ACYP2: variants seen among roughly 807,000 people sequenced by gnomAD.
ACYP2 encodes acylphosphatase 2.
A neutral mutation model predicts 11.2 loss-of-function variants in ACYP2; 12 were observed. The ratio of observed to expected loss-of-function variants is 1.08; its 90% CI spans 0.69 to 1.74. The LOEUF (loss-of-function observed/expected upper bound fraction) is 1.74. Ranked by LOEUF, ACYP2 falls within the 40% of genes most tolerant of loss-of-function variation. ACYP2 has a pLI of 0.00. For synonymous variants in ACYP2, 43 were observed against 32.2 expected (o/e 1.33, Z -1.13); for missense variants, 134 against 101.9 (o/e 1.31, Z -1.35).
At chr2:54,017,825 G>A (rs1486107847) in intron 2 of ACYP2, among the ~76,000 whole-genome samples, 1 of 152,098 alleles carries the variant, frequency 6.6e-6, no homozygotes, top group Admixed American at 6.6e-5. Context: ...TGAGTGGAAG[G>A]AGTGGCAGTT....
At chr2:54,044,156 T>C (rs1675389413) in intron 2 of ACYP2, among the ~76,000 whole-genome samples, 1 of 152,178 alleles carries the variant, frequency 6.6e-6, no homozygotes, top group Non-Finnish European at 1.5e-5. Context: ...AAATGTAAAC[T>C]GCACGTCACA....
chr2:54,289,699 A>G (rs1381522746), intron 6 of ACYP2, among the ~76,000 whole-genome samples: 2 of 151,994 alleles, frequency 1.3e-5, no homozygotes, highest in Non-Finnish European at 2.9e-5. Flanking sequence ...CTAAAACATT[A>G]CTATGGCATT....
chr2:54,127,701 T>C (rs772914647), intron 4 of ACYP2, among the ~76,000 whole-genome samples: 1 of 132,564 alleles, frequency 7.5e-6, no homozygotes, highest in East Asian at 2.4e-4. Flanking sequence ...TGAGCCGAGA[T>C]CACACCATGC....
At chr2:54,180,243 A>G (rs1438056570) in intron 6 of ACYP2, among the ~76,000 whole-genome samples, 1 of 151,802 alleles carries the variant, frequency 6.6e-6, no homozygotes, top group African/African-American at 2.4e-5. Flanking sequence ...ATTTATTTCT[A>G]TTTTTATTTT....
intron 2 of ACYP2, among the ~76,000 whole-genome samples, chr2:54,012,970 T>G (rs1183393281): frequency 2.6e-5 from 4 of 152,146 alleles, no homozygotes. Context: ...CGCCAGCTCT[T>G]AGCTGTTCCT....
At chr2:54,271,960 G>A (rs1483997555) in intron 6 of ACYP2, among the ~76,000 whole-genome samples, 3 of 152,008 alleles carry the variant, frequency 2.0e-5, no homozygotes, top group Middle Eastern at 3.2e-3. Flanking sequence ...CTGTTGTCAC[G>A]AAGTGAATGC....
chr2:54,078,350 T>TAA (rs574549983), intron 4 of ACYP2, among the ~76,000 whole-genome samples: 1 of 139,694 alleles, frequency 7.2e-6, no homozygotes, highest in Non-Finnish European at 1.6e-5. Flanking sequence ...GATATCTTCC[T>TAA]AAAAAAAAAA....
At chr2:54,228,595 A>G (rs1572963485) in intron 6 of ACYP2, among the ~76,000 whole-genome samples, 1 of 152,310 alleles carries the variant, frequency 6.6e-6, no homozygotes, top group African/African-American at 2.4e-5. Context: ...TGAATTCATA[A>G]TTCATCAGTT....
At chr2:54,144,237 T>C (rs1019919589) in intron 6 of ACYP2, among the ~76,000 whole-genome samples, 1 of 152,124 alleles carries the variant, frequency 6.6e-6, no homozygotes, top group African/African-American at 2.4e-5. Context: ...CCTCCCAAAG[T>C]GCTAGGATTA....
chr2:53,975,666 A>G (rs1302441562), intron 2 of ACYP2, among the ~76,000 whole-genome samples: 1 of 152,126 alleles, frequency 6.6e-6, no homozygotes, highest in South Asian at 2.1e-4. Context: ...CCCCGTCTCT[A>G]CTAAAAATAC....
At chr2:54,025,010 C>T (rs1412798615) in intron 2 of ACYP2, among the ~76,000 whole-genome samples, 1 of 151,858 alleles carries the variant, frequency 6.6e-6, no homozygotes, top group Non-Finnish European at 1.5e-5. Flanking sequence ...CAAAACAAAA[C>T]AAAAAAACTT....
At chr2:54,241,971 G>A (rs758725341) in intron 6 of ACYP2, among the ~76,000 whole-genome samples, 2 of 152,134 alleles carry the variant, frequency 1.3e-5, no homozygotes, top group Non-Finnish European at 2.9e-5. Flanking sequence ...CCAAGATCAC[G>A]CCATTGCACT....
chr2:54,116,076 G>C (rs539233738), intron 4 of ACYP2, among the ~76,000 whole-genome samples: 5 of 152,298 alleles, frequency 3.3e-5, no homozygotes, highest in African/African-American at 1.2e-4. Flanking sequence ...GGTAGGAAAA[G>C]AAGAGGGTCT....
At chr2:54,278,359 T>A (rs935467493) in intron 6 of ACYP2, among the ~76,000 whole-genome samples, 1 of 152,224 alleles carries the variant, frequency 6.6e-6, no homozygotes, top group Non-Finnish European at 1.5e-5. Context: ...CTTCATTTTG[T>A]TGAGTTGAAT....
At chr2:54,115,801 G>T in intron 4 of ACYP2, 45 bp downstream of exon 1, 1 of 1,540,750 alleles carries the variant, frequency 6.5e-7, no homozygotes, top group South Asian at 1.2e-5. Context: ...GTTATGGGAG[G>T]AAGGGGAGAA....
intron 6 of ACYP2, among the ~76,000 whole-genome samples, chr2:54,235,032 A>G (rs997700946): frequency 6.6e-6 from 1 of 152,240 alleles, no homozygotes; most frequent in East Asian, 1.9e-4. Flanking sequence ...CCTGAAATCT[A>G]TGCATAGGTT....
intron 2 of ACYP2, among the ~76,000 whole-genome samples, chr2:54,031,402 T>A (rs1196073527): frequency 1.3e-5 from 2 of 151,954 alleles, no homozygotes; most frequent in African/African-American, 4.8e-5. Flanking sequence ...TGCGATAGTT[T>A]GCTCAGAATG....
At chr2:54,121,751 C>A (rs1054054148) in intron 4 of ACYP2, among the ~76,000 whole-genome samples, 16 of 152,202 alleles carry the variant, frequency 1.1e-4, no homozygotes, top group African/African-American at 3.9e-4. Flanking sequence ...TTGTGTTTAT[C>A]CTTTTAATCA....
intron 4 of ACYP2, among the ~76,000 whole-genome samples, chr2:54,069,465 A>G (rs1676906841): frequency 6.6e-6 from 1 of 152,020 alleles, no homozygotes; most frequent in South Asian, 2.1e-4. Context: ...GATCAAGACC[A>G]TCTTTGCTAA....
Sources: allele counts gnomAD v4.1 joint callset (sites outside exome capture counted in the v4.1 genomes callset), GRCh38; gene constraint gnomAD v4.1.1; transcripts MANE v1.5; gene names NCBI Gene and HGNC (gene_info 2026-07-23, HGNC 2026-07-21).